GPHN: variants seen among roughly 807,000 people sequenced by gnomAD.
GPHN encodes gephyrin.
GPHN carries 17 observed loss-of-function variants against 95.5 expected under a neutral mutation model. The observed-to-expected ratio is 0.18, with a 90% CI of 0.12 to 0.27. The LOEUF is 0.27. Ranked by LOEUF, GPHN falls within the 10% of genes least tolerant of loss-of-function variation. The pLI, the probability that GPHN is intolerant of heterozygous loss-of-function variation, is 1.00. For synonymous variants in GPHN, 320 were observed against 322.5 expected (o/e 0.99, Z 0.08); for missense variants, 660 against 978.1 (o/e 0.67, Z 4.34).
chr14:67,047,334 T>TTTGTGTGTG lies in GPHN; in HGVS notation c.1007-11314_1007-11313insTGTGTGTGT, dbSNP rs2075075686. On this transcript the variant is annotated intron_variant, in intron 10 of 22. Coordinates refer to ENST00000478722, the MANE Select transcript of GPHN (RefSeq NM_020806.5). ...TCATTTATTTTGTGTGTGTGTGTGT[T>TTTGTGTGTG]TGTGTGTGTGTGTGTGTGTGTGTGT... is the stretch of plus-strand genomic sequence containing the variant. Among the ~76,000 whole-genome samples the TTTGTGTGTG allele has an allele frequency of 5.5e-3, 598 of 109,676 alleles. 8 individuals are homozygous for TTTGTGTGTG. Among genetic ancestry groups the TTTGTGTGTG allele is most frequent in the African/African-American group, 0.022 (581 of 26,468 alleles). The allele number at this position is 109,676 out of a possible 152,430, so 72.0% of individuals were successfully genotyped here. A position where few individuals can be genotyped will look rare whatever the true frequency, so the allele number is the denominator to read the frequency against.
At chr14:66,771,303 A>G (rs2059161145) in intron 2 of GPHN, among the ~76,000 whole-genome samples, 1 of 152,184 alleles carries the variant, frequency 6.6e-6, no homozygotes, top group Non-Finnish European at 1.5e-5. Context: ...TACATTATGT[A>G]ATCAATCGAA....
chr14:67,671,961 G>C, the GPHN span, among the ~76,000 whole-genome samples: 1 of 152,300 alleles, frequency 6.6e-6, no homozygotes, highest in South Asian at 2.1e-4. Context: ...GATTAAAATA[G>C]CAAATAAATG....
At chr14:67,495,663 T>C in the GPHN span, among the ~76,000 whole-genome samples, 1 of 152,194 alleles carries the variant, frequency 6.6e-6, no homozygotes, top group Non-Finnish European at 1.5e-5. Flanking sequence ...TTTGTACTTT[T>C]AGTAGAGATG....
At chr14:67,340,466 A>G in the GPHN span, 2 of 1,613,832 alleles carry the variant, frequency 1.2e-6, no homozygotes, top group Admixed American at 3.3e-5. Flanking sequence ...GCTCTCTCTC[A>G]TCCAGCTCTG....
intron 10 of GPHN, among the ~76,000 whole-genome samples, chr14:67,040,598 A>G (rs1410936280): frequency 6.6e-6 from 1 of 152,190 alleles, no homozygotes; most frequent in African/African-American, 2.4e-5. Context: ...CGTTACATTT[A>G]GTTATCCTGT....
At chr14:66,530,108 G>C (rs1479187103) in intron 1 of GPHN, among the ~76,000 whole-genome samples, 1 of 152,180 alleles carries the variant, frequency 6.6e-6, no homozygotes, top group Non-Finnish European at 1.5e-5. Flanking sequence ...ATAAGCCCCT[G>C]ACTGGGGCTC....
intron 8 of GPHN, among the ~76,000 whole-genome samples, chr14:66,935,841 C>T (rs1281233411): frequency 2.0e-5 from 3 of 151,998 alleles, no homozygotes; most frequent in Non-Finnish European, 4.4e-5. Flanking sequence ...GAATACCAAT[C>T]ATTCTCTAAG....
At chr14:67,091,721 T>C (rs1371019367) in intron 12 of GPHN, among the ~76,000 whole-genome samples, 1 of 151,990 alleles carries the variant, frequency 6.6e-6, no homozygotes, top group Non-Finnish European at 1.5e-5. Flanking sequence ...TAGCTTTTCT[T>C]GTTGCCAAAG....
intron 1 of GPHN, among the ~76,000 whole-genome samples, chr14:66,567,381 T>C (rs2060502957): frequency 6.6e-6 from 1 of 152,198 alleles, no homozygotes; most frequent in African/African-American, 2.4e-5. Context: ...TCATCTGAAG[T>C]CTTCCAGGGG....
At chr14:66,895,597 A>G (rs1329479081) in intron 5 of GPHN, among the ~76,000 whole-genome samples, 1 of 152,202 alleles carries the variant, frequency 6.6e-6, no homozygotes, top group Non-Finnish European at 1.5e-5. Flanking sequence ...GAAACAGAAG[A>G]TACTAGAATA....
At chr14:67,016,603 T>C (rs2073327550) in intron 9 of GPHN, among the ~76,000 whole-genome samples, 1 of 152,102 alleles carries the variant, frequency 6.6e-6, no homozygotes, top group Non-Finnish European at 1.5e-5. Context: ...AAGGGACCCA[T>C]TGACCTGAGT....
Position 67,110,183 on chromosome 14 carries a change from C to T in GPHN, c.1337C>T (p.Thr446Ile). 2 of 1,612,288 alleles carry T rather than the reference C, an allele frequency of 1.2e-6. No individual in the cohort carries two copies. Among genetic ancestry groups the T allele is most frequent in the Non-Finnish European group, 1.7e-6 (2 of 1,178,374 alleles). ...CCAGGACAAGTCATGCGGGTTACAA[C>T]AGGTGCTCCAATACCCTGCGGTGCT... The part of the protein sequence containing the change: ...VMPGQVMRVT[T>I]GAPIPCGADA... The change falls in exon 14 of 23, where the codon ACA becomes ATA. Residue 446 changes from threonine (T) to isoleucine (I), a missense_variant. Transcript: ENST00000478722.
chr14:66,927,895 G>A (rs2066570048), intron 8 of GPHN, among the ~76,000 whole-genome samples: 1 of 152,118 alleles, frequency 6.6e-6, no homozygotes, highest in South Asian at 2.1e-4. Flanking sequence ...ATCGCACTTG[G>A]TCATGATGAA....
chr14:67,646,668 TG>T, the GPHN span: 1 of 1,613,348 alleles, frequency 6.2e-7, no homozygotes, highest in Non-Finnish European at 8.5e-7. Context: ...AGGATTTTCC[TG>T]GATCAAACCT....
intron 1 of GPHN, among the ~76,000 whole-genome samples, chr14:66,525,725 A>G: frequency 6.6e-6 from 1 of 151,796 alleles, no homozygotes; most frequent in East Asian, 1.9e-4. Flanking sequence ...AGCCAGTTTT[A>G]CGAACACCAT....
At chr14:67,102,329 G>A (rs1267767716) in intron 13 of GPHN, among the ~76,000 whole-genome samples, 2 of 152,008 alleles carry the variant, frequency 1.3e-5, no homozygotes, top group Non-Finnish European at 2.9e-5. Flanking sequence ...CTCTTCCTGA[G>A]ATGGAATACC....
intron 11 of GPHN, among the ~76,000 whole-genome samples, chr14:67,072,247 G>A (rs113980901): frequency 0.027 from 4,138 of 152,140 alleles, 64 homozygotes; most frequent in Middle Eastern, 0.034. Flanking sequence ...CCTTATTCCA[G>A]TAAAGAAGGA....
intron 11 of GPHN, among the ~76,000 whole-genome samples, chr14:67,078,682 C>CT (rs1220319107): frequency 6.6e-6 from 1 of 152,070 alleles, no homozygotes; most frequent in African/African-American, 2.4e-5. Flanking sequence ...TGAATGAAGT[C>CT]TAATACTGAC....
intron 4 of GPHN, among the ~76,000 whole-genome samples, chr14:66,872,899 A>G (rs1335154047): frequency 1.3e-5 from 2 of 152,124 alleles, no homozygotes; most frequent in Admixed American, 6.5e-5. Flanking sequence ...CCAAAAAAAA[A>G]AAAAAAAGGG....
Sources: gnomAD v4.1 joint callset for allele counts (sites outside exome capture counted in the v4.1 genomes callset) on GRCh38, gnomAD v4.1.1 for gene constraint, MANE v1.5 for transcripts, NCBI Gene and HGNC (gene_info 2026-07-23, HGNC 2026-07-21) for gene names.